GHRHR: variants seen among roughly 807,000 people sequenced by gnomAD.
GHRHR encodes the protein growth hormone-releasing hormone receptor.
A neutral mutation model predicts 58.3 loss-of-function variants in GHRHR; 40 were observed. That is an observed-to-expected ratio of 0.69 (90% CI 0.53 to 0.89). The LOEUF (loss-of-function observed/expected upper bound fraction) is 0.89, where lower values mean the gene tolerates loss of function less well. GHRHR is among the 40% of genes least tolerant of loss of function. GHRHR has a pLI of 0.00. For missense variants in GHRHR, 551 were observed against 541.3 expected, an observed-to-expected ratio of 1.02 and a Z score of -0.18; for synonymous variants, 249 against 216.6, an observed-to-expected ratio of 1.15 and a Z score of -1.31.
chr7:30,979,250 C>T lies in GHRHR; in HGVS notation c.*6C>T, dbSNP rs369741931. ...TGCTGACATCTATGTGCTAGGCTGC[C>T]TCATCACGCCACTGGAGTCCACACT... On this transcript the variant is annotated 3_prime_UTR_variant, in exon 13 of 13. Coordinates refer to ENST00000326139, the MANE Select transcript of GHRHR (RefSeq NM_000823.4). The T allele has an allele frequency of 4.5e-5, 72 of 1,613,336 alleles. No homozygotes were observed. Among genetic ancestry groups the T allele is most frequent in the Non-Finnish European group, 5.9e-5 (70 of 1,179,742 alleles).
Position 30,974,415 on chromosome 7 carries a change from C to T in GHRHR, c.752-14C>T, listed in dbSNP as rs1328277050. ...GCAGACTCCCTCGCTTGTGTCTTCC[C>T]TGTACTCCTGTAGGGCTGCCCGTGC... On this transcript the variant is annotated splice_polypyrimidine_tract_variant and intron_variant, in intron 7 of 12. Transcript: ENST00000326139. The T allele has an allele frequency of 6.3e-6, 10 of 1,597,010 alleles. No individual in the cohort carries two copies. The highest frequency in any genetic ancestry group is 7.7e-6 in the Non-Finnish European group (9 of 1,164,530).
At chr7:30,972,209 C>T (rs545237780) in intron 6 of GHRHR, 114 bp downstream of exon 6, 38 of 1,116,120 alleles carry the variant, frequency 3.4e-5, no homozygotes, top group East Asian at 3.3e-4. Flanking sequence ...CTGGGGCTCC[C>T]GCATGGCCAA....
rs1792637739 is a variant in GHRHR, at chr7:30,979,022, T to C, written c.1147-97T>C. On this transcript the variant is annotated intron_variant, in intron 12 of 12. Transcript: ENST00000326139. ...ACTTTTCCTGCCCCATGTCTCTGTT[T>C]CTCTTACACGGCCTCTCCCTGCACC... 3.4e-6 allele frequency: 4 copies of C among 1,175,818 alleles called. No homozygotes were observed. In the East Asian group the frequency reaches 9.4e-5, roughly 28 times the overall value. 72.8% of individuals were successfully genotyped at this position (1,175,818 alleles called of 1,614,324 possible).
Position 30,974,509 on chromosome 7 carries a change from T to C in GHRHR, c.812+20T>C, listed in dbSNP as rs1792539626. The C allele has an allele frequency of 6.4e-7, 1 of 1,567,518 alleles. No homozygotes were observed. The highest frequency in any genetic ancestry group is 1.7e-5 in the Admixed American group (1 of 59,964). The stretch of plus-strand genomic sequence containing the variant: ...CATCGCGTGAGTCGGAGCGGCCACC[T>C]TGTCATACCCGCTGGTCCTACATGG... On this transcript the variant is annotated intron_variant, in intron 8 of 12. Coordinates refer to ENST00000326139, the MANE Select transcript of GHRHR (RefSeq NM_000823.4).
intron 12 of GHRHR, among the ~76,000 whole-genome samples, chr7:30,978,569 C>A (rs188266668): frequency 1.3e-5 from 2 of 152,310 alleles, no homozygotes; most frequent in Non-Finnish European, 2.9e-5. Context: ...GCACCCTATG[C>A]CCCTGAAAGC....
At chr7:30,976,350 T>C in intron 10 of GHRHR, 79 bp from the exon 11 acceptor site, 3 of 1,309,648 alleles carry the variant, frequency 2.3e-6, no homozygotes, top group Non-Finnish European at 3.3e-6. Flanking sequence ...AGGGAGGTGG[T>C]AGGAAGTGAG....
chr7:30,968,698 A>G (rs1792410381), intron 1 of GHRHR, 136 bp from the exon 2 acceptor site: 1 of 608,390 alleles, frequency 1.6e-6, no homozygotes, highest in Non-Finnish European at 3.0e-6. Flanking sequence ...ACCTGAAACT[A>G]CTGTGAGCAG....
intron 9 of GHRHR, among the ~76,000 whole-genome samples, chr7:30,975,499 G>A (rs1241158262): frequency 6.6e-6 from 1 of 152,224 alleles, no homozygotes; most frequent in African/African-American, 2.4e-5. Flanking sequence ...TGCTAGAGAA[G>A]AGCCTGGGAG....
Position 30,979,205 on chromosome 7 carries a change from T to C in GHRHR, c.1233T>C (p.Pro411=). 2 of 1,614,064 alleles carry C rather than the reference T, an allele frequency of 1.2e-6. No homozygotes were observed. Among genetic ancestry groups the C allele is most frequent in the Non-Finnish European group, 1.7e-6 (2 of 1,179,888 alleles). The change falls in exon 13 of 13, where the codon CCT becomes CCC. Residue 411 remains proline (P), a synonymous_variant. Coordinates refer to ENST00000326139, the MANE Select transcript of GHRHR (RefSeq NM_000823.4). ...GGACCCGTGCTAAGTGGACCACGCCTTCCCGCTCGGCGGCAAAGGTGCTGA... is the reference window on the plus strand; with the variant it reads ...GGACCCGTGCTAAGTGGACCACGCCCTCCCGCTCGGCGGCAAAGGTGCTGA... ...AWRTRAKWTT[P]SRSAAKVLTS...
At chr7:30,965,148 A>T (rs1384416031) in intron 1 of GHRHR, among the ~76,000 whole-genome samples, 4 of 152,312 alleles carry the variant, frequency 2.6e-5, no homozygotes, top group African/African-American at 7.2e-5. Context: ...AGGGCTGGGC[A>T]TAGGGGTGCA....
intron 3 of GHRHR, 129 bp downstream of exon 3, chr7:30,969,299 C>T (rs568313679): frequency 7.7e-5 from 55 of 711,956 alleles, no homozygotes; most frequent in Admixed American, 3.6e-4. Flanking sequence ...GGGGTGACCT[C>T]GGGCCAGTCA....
Position 30,974,973 on chromosome 7 carries a change from G to T in GHRHR, c.815G>T (p.Cys272Phe). The T allele has an allele frequency of 6.2e-7, 1 of 1,607,658 alleles. No homozygotes were observed. The highest frequency in any genetic ancestry group is 2.2e-5 in the East Asian group (1 of 44,834). ...GGCCTTCTTTCCTCTCTCCCCAGGT[G>T]CTGGGACCTGGACGACACCTCCCCC... is the stretch of plus-strand genomic sequence containing the variant. ...SCKLAFEDIA[C>F]WDLDDTSPYW... Residue 272 changes from cysteine to phenylalanine, a missense_variant and splice_region_variant, in exon 9 of 13, where the codon TGC becomes TTC. Transcript: ENST00000326139.
chr7:30,977,996 G>C (rs938982881), intron 12 of GHRHR, among the ~76,000 whole-genome samples: 2 of 152,174 alleles, frequency 1.3e-5, no homozygotes, highest in African/African-American at 4.8e-5. Context: ...GGAGAGAGGC[G>C]GGGGAGAATT....
Position 30,969,178 on chromosome 7 carries a change from G to A in GHRHR, c.268+8G>A, listed in dbSNP as rs1473164577. On this transcript the variant is annotated splice_region_variant and intron_variant, in intron 3 of 12. Coordinates refer to ENST00000326139, the MANE Select transcript of GHRHR (RefSeq NM_000823.4). ...ACTTCAGCTCAGAGTCAGGTGAGGG[G>A]TGCTGGGTGTGGCGGTGGGAAAGGG... 2 of 1,511,574 alleles carry A rather than the reference G, an allele frequency of 1.3e-6. No individual in the cohort carries two copies. Among genetic ancestry groups the A allele is most frequent in the Non-Finnish European group, 9.0e-7 (1 of 1,110,156 alleles). 93.6% of individuals were successfully genotyped at this position (1,511,574 alleles called of 1,614,324 possible).
chr7:30,967,568 A>C (rs905593470), intron 1 of GHRHR, among the ~76,000 whole-genome samples: 2 of 147,052 alleles, frequency 1.4e-5, no homozygotes, highest in African/African-American at 5.2e-5. Context: ...TCACTCATCC[A>C]CCATGCACCC....
chr7:30,974,420 C>T lies in GHRHR; in HGVS notation c.752-9C>T. 6.2e-7 allele frequency: 1 copy of T among 1,602,908 alleles called. No homozygotes were observed. The stretch of plus-strand genomic sequence containing the variant: ...CTCCCTCGCTTGTGTCTTCCCTGTA[C>T]TCCTGTAGGGCTGCCCGTGCTCTTC... On this transcript the variant is annotated splice_polypyrimidine_tract_variant and intron_variant, in intron 7 of 12. Coordinates refer to ENST00000326139, the MANE Select transcript of GHRHR (RefSeq NM_000823.4).
At chr7:30,970,917 C>T (rs575706961) in intron 4 of GHRHR, 5 of 641,690 alleles carry the variant, frequency 7.8e-6, no homozygotes, top group Middle Eastern at 8.2e-4. Context: ...CCCTCCCTCA[C>T]CCGCAGGTCA....
intron 4 of GHRHR, 102 bp downstream of exon 4, chr7:30,970,066 T>C: frequency 1.3e-6 from 1 of 770,610 alleles, no homozygotes; most frequent in Non-Finnish European, 2.4e-6. Context: ...CAGATTGGAA[T>C]ACTACTTACA....
In GHRHR at chr7:30,966,653, G is replaced by T. The variant is rs28444625; in HGVS notation, c.58-2181G>T. Among the ~76,000 whole-genome samples the T allele has an allele frequency of 4.1e-3, 536 of 132,080 alleles. 3 individuals are homozygous for T. The highest frequency in any genetic ancestry group is 0.014 in the African/African-American group (456 of 32,540). The allele number at this position is 132,080 out of a possible 152,430, so 86.6% of individuals were successfully genotyped here. ...TCTTGCTTCTTTTTGTTTTTTTTTT[G>T]TTTTTCTGAGATGGAGTCTCACTTT... is the stretch of plus-strand genomic sequence containing the variant. On this transcript the variant is annotated intron_variant, in intron 1 of 12. Coordinates refer to ENST00000326139, the MANE Select transcript of GHRHR (RefSeq NM_000823.4).
Sources: allele counts gnomAD v4.1 joint callset (sites outside exome capture counted in the v4.1 genomes callset), GRCh38; gene constraint gnomAD v4.1.1; transcripts MANE v1.5; gene names NCBI Gene and HGNC (gene_info 2026-07-23, HGNC 2026-07-21).